The following AGBL1 variants were observed in gnomAD, a reference collection of about 807,000 sequenced individuals.
AGBL1 encodes the protein AGBL carboxypeptidase 1.
Under a neutral mutation model 118.9 loss-of-function variants are expected in AGBL1, and 130 were observed. The ratio of observed to expected loss-of-function variants is 1.09; its 90% CI spans 0.95 to 1.26. AGBL1 has a LOEUF of 1.26. Among genes scored for constraint, AGBL1 ranks in the 50% most tolerant of loss-of-function variants. The pLI, the probability that AGBL1 is intolerant of heterozygous loss-of-function variation, is 0.00. For missense variants in AGBL1, 1,584 were observed against 1,298.1 expected, an observed-to-expected ratio of 1.22 and a Z score of -3.38; for synonymous variants, 555 against 478.9, an observed-to-expected ratio of 1.16 and a Z score of -2.08.
In AGBL1 at chr15:86,864,279, AT is replaced by A. The variant is rs2079596381; in HGVS notation, c.3159-42805del. Among the ~76,000 whole-genome samples the A allele has an allele frequency of 2.0e-5, 3 of 152,278 alleles. No homozygotes were observed. The South Asian group carries it at 6.2e-4, about 32-fold the overall frequency. On this transcript the variant is annotated intron_variant, in intron 22 of 22. Transcript: ENST00000614907. ...GAAATAAATATTAAACAGCACTCTG[AT>A]TTCTAGTTATTTTTCCACTAACTTG...
chr15:86,995,268 T>C (rs1277786452), intron 24 of AGBL1, among the ~76,000 whole-genome samples: 1 of 152,016 alleles, frequency 6.6e-6, no homozygotes, highest in South Asian at 2.1e-4. Flanking sequence ...GTGCTTGTAA[T>C]CCCAACTATC....
At chr15:86,432,721 C>T (rs976960697) in intron 18 of AGBL1, among the ~76,000 whole-genome samples, 2 of 152,176 alleles carry the variant, frequency 1.3e-5, no homozygotes, top group South Asian at 4.1e-4. Context: ...TAGATAAAAG[C>T]CTGAAGGAGG....
At chr15:87,001,125 T>G (rs1220655111) in intron 24 of AGBL1, among the ~76,000 whole-genome samples, 3 of 142,372 alleles carry the variant, frequency 2.1e-5, no homozygotes, top group South Asian at 2.4e-4. Flanking sequence ...AAGGAGATTT[T>G]GGGCTGAGAC....
At chr15:86,688,948 C>T (rs938378893) in intron 22 of AGBL1, among the ~76,000 whole-genome samples, 1 of 152,088 alleles carries the variant, frequency 6.6e-6, no homozygotes, top group Non-Finnish European at 1.5e-5. Flanking sequence ...AATTTTATGT[C>T]AATGGAATCA....
At chr15:86,153,568 T>C (rs12899015) in intron 3 of AGBL1, among the ~76,000 whole-genome samples, 29,191 of 152,030 alleles carry the variant, frequency 0.19, 3,291 homozygotes, top group Non-Finnish European at 0.24. Context: ...AAATGACGGG[T>C]TGATGGGTGC....
chr15:86,178,327 C>T (rs1159463732), intron 5 of AGBL1, among the ~76,000 whole-genome samples: 1 of 151,996 alleles, frequency 6.6e-6, no homozygotes, highest in Admixed American at 6.6e-5. Flanking sequence ...AACAAACAAA[C>T]AAACAAAAAA....
At chr15:86,770,386 G>C (rs1352116853) in intron 22 of AGBL1, among the ~76,000 whole-genome samples, 1 of 151,900 alleles carries the variant, frequency 6.6e-6, no homozygotes, top group East Asian at 1.9e-4. Flanking sequence ...TGGGAAGGTA[G>C]GGTTGGTTAC....
chr15:86,766,487 A>T (rs1329718461), intron 22 of AGBL1, among the ~76,000 whole-genome samples: 1 of 151,966 alleles, frequency 6.6e-6, no homozygotes, highest in Non-Finnish European at 1.5e-5. Flanking sequence ...TAATGAAATT[A>T]TTCCATTCAA....
intron 21 of AGBL1, among the ~76,000 whole-genome samples, chr15:86,557,118 G>A (rs978454082): frequency 6.6e-6 from 1 of 152,172 alleles, no homozygotes; most frequent in Non-Finnish European, 1.5e-5. Context: ...TACAGTCTCT[G>A]TTGCTAGGTC....
rs76324696 is a variant in AGBL1 at position 86,293,674 on chromosome 15, T to A, written c.2221-1581T>A. Among the ~76,000 whole-genome samples, 315 of 152,338 alleles carry A rather than the reference T, an allele frequency of 2.1e-3. 2 individuals carry two copies. The highest frequency in any genetic ancestry group is 2.7e-3 in the Non-Finnish European group (187 of 68,032). ...GAACATCTTTGGGGGCCACTATTCTTCTTACCATATCTGTAGTAAGTTATT... is the reference window on the plus strand; with the variant it reads ...GAACATCTTTGGGGGCCACTATTCTACTTACCATATCTGTAGTAAGTTATT... On this transcript the variant is annotated intron_variant, in intron 16 of 22. Transcript: ENST00000614907.
At chr15:86,288,493 A>G (rs537311849) in intron 16 of AGBL1, among the ~76,000 whole-genome samples, 1 of 152,100 alleles carries the variant, frequency 6.6e-6, no homozygotes, top group South Asian at 2.1e-4. Context: ...GCTATTTTCT[A>G]TTCTCTAGTG....
chr15:86,542,190 G>A (rs1403267587), intron 19 of AGBL1, among the ~76,000 whole-genome samples: 1 of 152,122 alleles, frequency 6.6e-6, no homozygotes, highest in African/African-American at 2.4e-5. Context: ...AGTATGCAAA[G>A]TCTCTAGGAG....
intron 22 of AGBL1, among the ~76,000 whole-genome samples, chr15:86,717,350 C>T (rs1465859036): frequency 6.6e-6 from 1 of 152,154 alleles, no homozygotes; most frequent in African/African-American, 2.4e-5. Flanking sequence ...ATGACGATCT[C>T]TTCTAATTGA....
chr15:86,445,330 T>C (rs1044430447), intron 18 of AGBL1, among the ~76,000 whole-genome samples: 1 of 152,238 alleles, frequency 6.6e-6, no homozygotes, highest in African/African-American at 2.4e-5. Context: ...GCTATAGCGA[T>C]GCTTCTGGGA....
At chr15:86,753,998 A>G (rs1031935881) in intron 22 of AGBL1, among the ~76,000 whole-genome samples, 2 of 152,234 alleles carry the variant, frequency 1.3e-5, no homozygotes, top group East Asian at 1.9e-4. Context: ...TGCTGTGACA[A>G]TTGTTCCACA....
intron 9 of AGBL1, among the ~76,000 whole-genome samples, chr15:86,259,388 A>C (rs777303831): frequency 6.6e-6 from 1 of 152,222 alleles, no homozygotes; most frequent in Non-Finnish European, 1.5e-5. Context: ...TCTGTAAAAT[A>C]AGAGTCAGTA....
chr15:86,437,542 T>G (rs1021356122), intron 18 of AGBL1, among the ~76,000 whole-genome samples: 2 of 152,170 alleles, frequency 1.3e-5, no homozygotes, highest in African/African-American at 4.8e-5. Context: ...TTTCCCAATA[T>G]GCATGCAGTT....
chr15:86,841,292 G>T (rs1219725880), intron 22 of AGBL1, among the ~76,000 whole-genome samples: 5 of 152,160 alleles, frequency 3.3e-5, no homozygotes, highest in African/African-American at 1.2e-4. Context: ...GAGGGATTTT[G>T]TTAGCAAAGA....
chr15:86,227,423 T>C (rs943801001), intron 6 of AGBL1, among the ~76,000 whole-genome samples: 2 of 152,254 alleles, frequency 1.3e-5, no homozygotes, highest in African/African-American at 2.4e-5. Context: ...CAATGTACCA[T>C]TGGCATTTTG....
Sources: gnomAD v4.1 joint callset for allele counts (sites outside exome capture counted in the v4.1 genomes callset) on GRCh38, gnomAD v4.1.1 for gene constraint, MANE v1.5 for transcripts, NCBI Gene and HGNC (gene_info 2026-07-23, HGNC 2026-07-21) for gene names.